The following BCAS1 variants were observed in gnomAD, a reference collection of about 807,000 sequenced individuals.
BCAS1 encodes the protein breast carcinoma-amplified sequence 1.
BCAS1 carries 46 observed loss-of-function variants against 65.4 expected under a neutral mutation model. The ratio of observed to expected loss-of-function variants is 0.70; its 90% CI spans 0.55 to 0.90. BCAS1 has a LOEUF of 0.90. BCAS1 is among the 40% of genes least tolerant of loss of function. BCAS1 has a pLI of 0.00. For missense variants in BCAS1, 793 were observed against 771.2 expected (o/e 1.03, Z -0.33); for synonymous variants, 298 against 293.5 (o/e 1.02, Z -0.16).
chr20:54,056,106 T>C (rs182383344), intron 3 of BCAS1, among the ~76,000 whole-genome samples: 8 of 152,242 alleles, frequency 5.3e-5, no homozygotes, highest in Admixed American at 1.3e-4. Context: ...ATGGTAAATA[T>C]AAGTTAATAA....
intron 4 of BCAS1, among the ~76,000 whole-genome samples, chr20:54,003,870 A>G (rs1196366976): frequency 6.6e-6 from 1 of 152,324 alleles, no homozygotes; most frequent in East Asian, 1.9e-4. Context: ...TTCTAATATG[A>G]GTTGAACTTT....
rs1422617238 is a variant in BCAS1 at position 53,943,663 on chromosome 20, T to C, written c.*1259A>G. On this transcript the variant is annotated 3_prime_UTR_variant, in exon 13 of 13. Coordinates refer to ENST00000688948, the MANE Select transcript of BCAS1 (RefSeq NM_001366298.2). ...AGACTCAGGGTCCTATTTACTCCTT[T>C]GTACAGGTATTAAAAACAACTCAGG... 6.6e-6 allele frequency: 1 copy of C among 152,250 alleles called. No individual in the cohort carries two copies. Among genetic ancestry groups the C allele is most frequent in the Non-Finnish European group, 1.5e-5 (1 of 68,044 alleles). 9.4% of individuals were successfully genotyped at this position (152,250 alleles called of 1,614,324 possible).
chr20:54,055,861 C>T (rs967525313), intron 3 of BCAS1, among the ~76,000 whole-genome samples: 9 of 151,932 alleles, frequency 5.9e-5, no homozygotes, highest in African/African-American at 1.9e-4. Flanking sequence ...TTCAATCATA[C>T]AAAAGAAGGA....
At chr20:54,041,040 C>T (rs1053089652) in intron 3 of BCAS1, among the ~76,000 whole-genome samples, 2 of 151,348 alleles carry the variant, frequency 1.3e-5, no homozygotes, top group Non-Finnish European at 3.0e-5. Context: ...ATGCTTTATA[C>T]TTGGAAGCAT....
At chr20:54,062,742 G>A (rs763367667) in intron 1 of BCAS1, among the ~76,000 whole-genome samples, 1 of 152,124 alleles carries the variant, frequency 6.6e-6, no homozygotes, top group Non-Finnish European at 1.5e-5. Flanking sequence ...GTAGCCTCTC[G>A]GCCACTTCAA....
At chr20:53,962,448 G>T (rs2089907181) in intron 10 of BCAS1, among the ~76,000 whole-genome samples, 2 of 152,174 alleles carry the variant, frequency 1.3e-5, no homozygotes, top group Admixed American at 1.3e-4. Flanking sequence ...TAAGGTAGGT[G>T]AAAATAGTTT....
intron 12 of BCAS1, among the ~76,000 whole-genome samples, chr20:53,946,680 A>G (rs1224451657): frequency 2.0e-5 from 3 of 150,966 alleles, no homozygotes; most frequent in Non-Finnish European, 4.4e-5. Flanking sequence ...TAGTATAGTC[A>G]AGTATGGTAA....
chr20:54,005,410 C>G (rs2091163929), intron 4 of BCAS1, among the ~76,000 whole-genome samples: 1 of 152,096 alleles, frequency 6.6e-6, no homozygotes, highest in African/African-American at 2.4e-5. Context: ...ATTGCTTGAG[C>G]CAGGGAGGTC....
chr20:53,989,512 A>C (rs2090701635), intron 7 of BCAS1, among the ~76,000 whole-genome samples: 1 of 152,134 alleles, frequency 6.6e-6, no homozygotes, highest in South Asian at 2.1e-4. Flanking sequence ...CATTCAATTA[A>C]TAATTACAGT....
chr20:53,997,397 G>A (rs2090945346), intron 4 of BCAS1, among the ~76,000 whole-genome samples: 2 of 152,174 alleles, frequency 1.3e-5, no homozygotes, highest in South Asian at 2.1e-4. Flanking sequence ...TTGCAACACA[G>A]CTAAACCTGC....
chr20:54,031,575 A>G (rs2091801370), intron 3 of BCAS1, among the ~76,000 whole-genome samples: 1 of 151,362 alleles, frequency 6.6e-6, no homozygotes, highest in Non-Finnish European at 1.5e-5. Flanking sequence ...CCTATTAAAA[A>G]AGAGTTGCAA....
intron 3 of BCAS1, among the ~76,000 whole-genome samples, chr20:54,057,119 C>T (rs1459929940): frequency 1.3e-5 from 2 of 152,210 alleles, no homozygotes; most frequent in Non-Finnish European, 2.9e-5. Context: ...ACCCTGGAAG[C>T]ATTGAATATA....
At position 54,063,092 on chromosome 20, in the gene BCAS1, G is replaced by T. The variant is rs558753217; in HGVS notation, c.-5-4369C>A. Reference sequence around the variant, plus strand: ...ATGGCAACTCCTTCAGTGCCCCAAAGGTCCTGGAACTCGTAATAATGATAA... The same window carrying T: ...ATGGCAACTCCTTCAGTGCCCCAAATGTCCTGGAACTCGTAATAATGATAA... On this transcript the variant is annotated intron_variant, in intron 1 of 12. Transcript: ENST00000688948. 5.3e-5 allele frequency among the ~76,000 whole-genome samples: 8 copies of T among 152,192 alleles called. No individual in the cohort carries two copies. The South Asian group carries it at 1.5e-3, about 28-fold the overall frequency.
chr20:54,011,372 A>T (rs1193166701), intron 4 of BCAS1, among the ~76,000 whole-genome samples: 1 of 149,256 alleles, frequency 6.7e-6, no homozygotes, highest in East Asian at 1.9e-4. Flanking sequence ...AAAAGAAAAA[A>T]ATTCTTAAAA....
rs1406913192 is a variant in BCAS1, at chr20:53,997,203, A to C, written c.724-1153T>G. Among the ~76,000 whole-genome samples, 6 of 152,370 alleles carry C rather than the reference A, an allele frequency of 3.9e-5. No homozygotes were observed. The East Asian group carries it at 1.2e-3, about 29-fold the overall frequency. On this transcript the variant is annotated intron_variant, in intron 4 of 12. Coordinates refer to ENST00000688948, the MANE Select transcript of BCAS1 (RefSeq NM_001366298.2). ...TTTCCTCATACTCCCATTAGACTAC[A>C]AACTCGACAAAGACAGGGATAATAT...
At chr20:53,999,212 A>G (rs2090996461) in intron 4 of BCAS1, among the ~76,000 whole-genome samples, 1 of 152,232 alleles carries the variant, frequency 6.6e-6, no homozygotes, top group African/African-American at 2.4e-5. Context: ...AAAACCCTTC[A>G]TAACTTAACT....
chr20:53,973,307 T>C (rs2090232758), intron 9 of BCAS1, among the ~76,000 whole-genome samples: 1 of 152,234 alleles, frequency 6.6e-6, no homozygotes, highest in Non-Finnish European at 1.5e-5. Flanking sequence ...TTGCTTGCAG[T>C]GTTAAGTCAT....
intron 4 of BCAS1, among the ~76,000 whole-genome samples, chr20:54,013,115 CTGA>C (rs1292426964): frequency 2.6e-5 from 4 of 152,126 alleles, no homozygotes; most frequent in African/African-American, 9.7e-5. Flanking sequence ...CGTTGTATGG[CTGA>C]TGATAACAAG....
intron 4 of BCAS1, among the ~76,000 whole-genome samples, chr20:54,013,602 A>G (rs1382079342): frequency 6.6e-6 from 1 of 152,258 alleles, no homozygotes; most frequent in Non-Finnish European, 1.5e-5. Context: ...TGTAGAGGAT[A>G]AACCTAAACT....
Sources: allele counts gnomAD v4.1 joint callset (sites outside exome capture counted in the v4.1 genomes callset), GRCh38; gene constraint gnomAD v4.1.1; transcripts MANE v1.5; gene names NCBI Gene and HGNC (gene_info 2026-07-23, HGNC 2026-07-21).